Variants in HGD observed in about 807,000 individuals in gnomAD.
HGD encodes homogentisate 1,2-dioxygenase, also known as homogentisate oxidase.
HGD carries 61 observed loss-of-function variants against 60.8 expected under a neutral mutation model. That is an observed-to-expected ratio of 1.00 (90% CI 0.82 to 1.24). HGD has a LOEUF of 1.24. HGD is among the 50% of genes most tolerant of loss of function. The probability of loss-of-function intolerance (pLI) is 0.00; values close to 1 mark genes in which losing one functional copy is unlikely to be tolerated. For synonymous variants in HGD, 212 were observed against 187.7 expected (o/e 1.13, Z -1.06); for missense variants, 542 against 547.1 (o/e 0.99, Z 0.09).
intron 6 of HGD, among the ~76,000 whole-genome samples, chr3:120,649,875 C>T (rs1027394447): frequency 1.4e-4 from 21 of 152,114 alleles, no homozygotes; most frequent in African/African-American, 4.1e-4. Flanking sequence ...GGAAACGACT[C>T]GGTGGTGAAA....
At chr3:120,641,429 G>C (rs1245909699) in intron 11 of HGD, among the ~76,000 whole-genome samples, 160 bp downstream of exon 11, 1 of 152,180 alleles carries the variant, frequency 6.6e-6, no homozygotes, top group Non-Finnish European at 1.5e-5. Context: ...TTCCCTACTA[G>C]TTGTGTTATT....
intron 11 of HGD, among the ~76,000 whole-genome samples, chr3:120,639,726 C>T (rs1350238340): frequency 6.6e-6 from 1 of 152,128 alleles, no homozygotes; most frequent in Non-Finnish European, 1.5e-5. Context: ...CAGATTGTAT[C>T]CATTGGCAGA....
At chr3:120,652,542 C>T in intron 5 of HGD, 50 bp downstream of exon 5, 2 of 1,410,022 alleles carry the variant, frequency 1.4e-6, no homozygotes, top group Non-Finnish European at 1.0e-6. Context: ...GGCTCACTCA[C>T]CACAGAAGAG....
intron 12 of HGD, among the ~76,000 whole-genome samples, chr3:120,634,345 G>C (rs913384895): frequency 6.6e-6 from 1 of 152,062 alleles, no homozygotes; most frequent in Admixed American, 6.6e-5. Context: ...TTGAAATAAA[G>C]CTCTTTATTA....
At chr3:120,638,896 G>GTTC (rs1940876185) in intron 11 of HGD, among the ~76,000 whole-genome samples, 2 of 152,010 alleles carry the variant, frequency 1.3e-5, no homozygotes, top group Non-Finnish European at 2.9e-5. Context: ...GAATCATGGG[G>GTTC]GCAGGTTTTT....
chr3:120,664,254 G>A (rs892199616), intron 4 of HGD, among the ~76,000 whole-genome samples: 1 of 152,056 alleles, frequency 6.6e-6, no homozygotes, highest in Non-Finnish European at 1.5e-5. Flanking sequence ...GGTGAGAGAA[G>A]ACAGATGTGA....
At chr3:120,663,373 A>C (rs1452560249) in intron 4 of HGD, among the ~76,000 whole-genome samples, 1 of 152,126 alleles carries the variant, frequency 6.6e-6, no homozygotes, top group Non-Finnish European at 1.5e-5. Context: ...GTTTAATTGG[A>C]CTTACAGTTC....
intron 3 of HGD, among the ~76,000 whole-genome samples, chr3:120,672,476 C>G (rs1015943263): frequency 2.6e-5 from 4 of 152,176 alleles, no homozygotes; most frequent in African/African-American, 9.7e-5. Context: ...CTGGCCCTTT[C>G]AAGACCAAGG....
intron 4 of HGD, among the ~76,000 whole-genome samples, chr3:120,658,555 T>A (rs1162953371): frequency 6.6e-6 from 1 of 152,178 alleles, no homozygotes; most frequent in African/African-American, 2.4e-5. Flanking sequence ...CTTTTTCAGG[T>A]GCACGGTGCA....
intron 13 of HGD, among the ~76,000 whole-genome samples, chr3:120,631,419 T>A (rs1940588445): frequency 2.0e-5 from 3 of 152,160 alleles, no homozygotes; most frequent in Admixed American, 2.0e-4. Context: ...TTTATCTTGA[T>A]GTGATTATTA....
Position 120,628,527 on chromosome 3 carries a change from T to C in HGD, c.1191A>G (p.Ala397=), listed in dbSNP as rs137923025. Residue 397 remains alanine (A), a splice_region_variant and synonymous_variant, in exon 14 of 14, where the codon GCA becomes GCG. Transcript: ENST00000283871. ...APERIADGTM[A]FMFESSLSLA... is the part of the protein sequence containing the mutation. ...GACTTAAAGATGATTCAAACATAAA[T>C]GCCTGGAGGAAGTGACGATGGGGAT... The C allele has an allele frequency of 3.7e-6, 6 of 1,613,826 alleles. No homozygotes were observed. The African/African-American group carries it at 5.3e-5, about 14-fold the overall frequency.
chr3:120,659,730 T>G (rs1278514227), intron 4 of HGD, among the ~76,000 whole-genome samples: 1 of 152,198 alleles, frequency 6.6e-6, no homozygotes, highest in Non-Finnish European at 1.5e-5. Context: ...GTACCAATTT[T>G]CTTTGTTAGT....
At position 120,682,082 on chromosome 3, in the gene HGD, C is replaced by T. The variant is rs753194387; in HGVS notation, c.15+15G>A. The T allele has an allele frequency of 1.2e-6, 2 of 1,613,694 alleles. No individual in the cohort carries two copies. The highest frequency in any genetic ancestry group is 2.2e-5 in the South Asian group (2 of 91,076). Reference sequence around the variant, plus strand: ...GCTGAAGAAGCCATAGCAAACTTGTCAGATGGTTTCTTACCTTTAACTCAG... The same window carrying T: ...GCTGAAGAAGCCATAGCAAACTTGTTAGATGGTTTCTTACCTTTAACTCAG... On this transcript the variant is annotated intron_variant, in intron 1 of 13. Coordinates refer to ENST00000283871, the MANE Select transcript of HGD (RefSeq NM_000187.4).
intron 13 of HGD, among the ~76,000 whole-genome samples, chr3:120,632,801 T>G (rs1032929988): frequency 6.6e-6 from 1 of 152,192 alleles, no homozygotes; most frequent in Non-Finnish European, 1.5e-5. Context: ...GGTTAACTCA[T>G]AGCCATCTGC....
At chr3:120,634,312 A>G (rs1193217873) in intron 12 of HGD, among the ~76,000 whole-genome samples, 1 of 152,050 alleles carries the variant, frequency 6.6e-6, no homozygotes, top group East Asian at 1.9e-4. Flanking sequence ...CCATGCTTCC[A>G]CTCTTCCAAT....
At chr3:120,636,741 G>A (rs1003646776) in intron 12 of HGD, among the ~76,000 whole-genome samples, 3 of 152,154 alleles carry the variant, frequency 2.0e-5, no homozygotes, top group Non-Finnish European at 4.4e-5. Context: ...GGGGATGCTG[G>A]CATTTGACCA....
Position 120,642,977 on chromosome 3 carries a change from C to T in HGD, c.775-1284G>A, listed in dbSNP as rs142496526. On this transcript the variant is annotated intron_variant, in intron 10 of 13. Coordinates refer to ENST00000283871, the MANE Select transcript of HGD (RefSeq NM_000187.4). ...GTCCACTTGGAAAGTGCAAACCTTTCGGAGGAGCTACTGGCTGCTTCTACA... is the reference window on the plus strand; with the variant it reads ...GTCCACTTGGAAAGTGCAAACCTTTTGGAGGAGCTACTGGCTGCTTCTACA... Among the ~76,000 whole-genome samples, 664 of 152,280 alleles carry T rather than the reference C, an allele frequency of 4.4e-3. 7 individuals carry two copies. The highest frequency in any genetic ancestry group is 0.015 in the African/African-American group (638 of 41,566).
chr3:120,677,003 T>C (rs1170976640), intron 1 of HGD, among the ~76,000 whole-genome samples: 1 of 152,222 alleles, frequency 6.6e-6, no homozygotes, highest in Non-Finnish European at 1.5e-5. Flanking sequence ...TACTGCAATC[T>C]CTAAACATAA....
At chr3:120,633,771 C>T (rs569618376) in intron 12 of HGD, among the ~76,000 whole-genome samples, 1 of 152,244 alleles carries the variant, frequency 6.6e-6, no homozygotes, top group South Asian at 2.1e-4. Context: ...TTTCTAATTC[C>T]CAATCTAGAA....
Sources: allele counts gnomAD v4.1 joint callset (sites outside exome capture counted in the v4.1 genomes callset), GRCh38; gene constraint gnomAD v4.1.1; transcripts MANE v1.5; gene names NCBI Gene and HGNC (gene_info 2026-07-23, HGNC 2026-07-21).